DLGAP2: variants seen among roughly 807,000 people sequenced by gnomAD.
DLGAP2 encodes the protein disks large-associated protein 2.
Under a neutral mutation model 100.3 loss-of-function variants are expected in DLGAP2, and 26 were observed. That is an observed-to-expected ratio of 0.26 (90% CI 0.19 to 0.36). The LOEUF (loss-of-function observed/expected upper bound fraction) is 0.36. Ranked by LOEUF, DLGAP2 falls within the 10% of genes least tolerant of loss-of-function variation. The probability of loss-of-function intolerance (pLI) is 1.00; values close to 1 mark genes in which losing one functional copy is unlikely to be tolerated. For missense variants in DLGAP2, 1,858 were observed against 1,453.2 expected, an observed-to-expected ratio of 1.28 and a Z score of -4.53; for synonymous variants, 886 against 630.1, an observed-to-expected ratio of 1.41 and a Z score of -6.08.
chr8:1,443,159 A>G (rs1273837952), intron 3 of DLGAP2, among the ~76,000 whole-genome samples: 1 of 152,260 alleles, frequency 6.6e-6, no homozygotes, highest in East Asian at 1.9e-4. Context: ...TAATCATTAC[A>G]GAAAAACTTA....
chr8:1,690,825 C>G (rs908815141), intron 12 of DLGAP2, among the ~76,000 whole-genome samples: 1 of 151,728 alleles, frequency 6.6e-6, no homozygotes, highest in Non-Finnish European at 1.5e-5. Flanking sequence ...TCATAGCACA[C>G]TCAGAAATGT....
At chr8:837,664 A>ATG (rs34602128) in intron 1 of DLGAP2, among the ~76,000 whole-genome samples, 28,778 of 145,874 alleles carry the variant, frequency 0.2, 3,348 homozygotes, top group Admixed American at 0.37. Flanking sequence ...GTTTGTGTGT[A>ATG]TGTGTGTGTG....
At chr8:1,092,368 G>C (rs1489167741) in intron 2 of DLGAP2, among the ~76,000 whole-genome samples, 1 of 152,222 alleles carries the variant, frequency 6.6e-6, no homozygotes, top group South Asian at 2.1e-4. Flanking sequence ...GGTCCGCCTG[G>C]CACCTTGAGG....
intron 1 of DLGAP2, among the ~76,000 whole-genome samples, chr8:903,769 A>T (rs1394763758): frequency 1.3e-5 from 2 of 152,126 alleles, no homozygotes; most frequent in Non-Finnish European, 2.9e-5. Flanking sequence ...TCCAGACATG[A>T]CCTTATTTGG....
chr8:1,245,436 A>G (rs1247637514), intron 2 of DLGAP2, among the ~76,000 whole-genome samples: 1 of 152,246 alleles, frequency 6.6e-6, no homozygotes, highest in African/African-American at 2.4e-5. Flanking sequence ...GCACCGATGC[A>G]TGCTGTGACA....
At chr8:1,163,919 G>C (rs569584481) in intron 2 of DLGAP2, among the ~76,000 whole-genome samples, 9 of 152,358 alleles carry the variant, frequency 5.9e-5, no homozygotes, top group Admixed American at 1.3e-4. Context: ...GGCGTCCGCG[G>C]GCCCTGGCTT....
intron 3 of DLGAP2, among the ~76,000 whole-genome samples, chr8:1,489,513 C>T (rs1393192160): frequency 6.6e-6 from 1 of 152,114 alleles, no homozygotes; most frequent in African/African-American, 2.4e-5. Context: ...CCATCTCATT[C>T]CAAAAAGGAA....
intron 2 of DLGAP2, among the ~76,000 whole-genome samples, chr8:1,053,699 T>C (rs1188849866): frequency 6.6e-6 from 1 of 152,154 alleles, no homozygotes; most frequent in East Asian, 1.9e-4. Context: ...GCCTGACATA[T>C]TGGGTGCTAG....
chr8:1,376,846 C>T (rs1430611834), intron 3 of DLGAP2, among the ~76,000 whole-genome samples: 1 of 152,158 alleles, frequency 6.6e-6, no homozygotes, highest in Admixed American at 6.5e-5. Flanking sequence ...GCGTATTTGG[C>T]CGTGAAAGCG....
chr8:1,021,146 C>G (rs1284435913), intron 2 of DLGAP2, among the ~76,000 whole-genome samples: 3 of 152,104 alleles, frequency 2.0e-5, no homozygotes, highest in Non-Finnish European at 2.9e-5. Flanking sequence ...TGAGTATATT[C>G]TTGGGAGTAA....
At chr8:1,012,909 C>T (rs759162644) in intron 2 of DLGAP2, among the ~76,000 whole-genome samples, 9 of 152,078 alleles carry the variant, frequency 5.9e-5, no homozygotes, top group Non-Finnish European at 1.0e-4. Context: ...GTGTGCCTGG[C>T]GATTGCATCT....
At position 1,100,799 on chromosome 8, in the gene DLGAP2, G is replaced by A. The variant is rs184082642; in HGVS notation, c.74-158052G>A. On this transcript the variant is annotated intron_variant, in intron 2 of 14. Coordinates refer to ENST00000637795, the MANE Select transcript of DLGAP2 (RefSeq NM_001346810.2). The stretch of plus-strand genomic sequence containing the variant: ...AGGAGGGGCTGCTGAGAAACCGTGT[G>A]TTCTGTAGAAATAGACTAACCTTGA... Among the ~76,000 whole-genome samples the A allele has an allele frequency of 4.6e-5, 7 of 152,296 alleles. No homozygotes were observed. In the East Asian group the frequency reaches 9.6e-4, roughly 21 times the overall value.
At chr8:1,471,699 C>T (rs1283121297) in intron 3 of DLGAP2, among the ~76,000 whole-genome samples, 3 of 150,434 alleles carry the variant, frequency 2.0e-5, no homozygotes, top group African/African-American at 7.4e-5. Flanking sequence ...TCTTCAAGAC[C>T]AAGAAGGGTT....
At chr8:1,265,338 A>G (rs562489438) in intron 3 of DLGAP2, among the ~76,000 whole-genome samples, 2 of 152,234 alleles carry the variant, frequency 1.3e-5, no homozygotes, top group Non-Finnish European at 2.9e-5. Flanking sequence ...ATATATTATT[A>G]TAAAGTAGAT....
intron 1 of DLGAP2, among the ~76,000 whole-genome samples, chr8:905,436 GA>G (rs1412648451): frequency 6.6e-6 from 1 of 152,248 alleles, no homozygotes; most frequent in East Asian, 1.9e-4. Flanking sequence ...CTGAACTGGT[GA>G]CTCTCAAGCG....
chr8:1,117,417 G>C (rs577055189), intron 2 of DLGAP2, among the ~76,000 whole-genome samples: 2 of 152,332 alleles, frequency 1.3e-5, no homozygotes, highest in South Asian at 4.1e-4. Context: ...GGTTATGGGT[G>C]ATCAAGTGTC....
chr8:1,430,868 A>C (rs1396461966), intron 3 of DLGAP2, among the ~76,000 whole-genome samples: 1 of 152,198 alleles, frequency 6.6e-6, no homozygotes, highest in Non-Finnish European at 1.5e-5. Flanking sequence ...CTTTGATATC[A>C]GGCATTGGCA....
intron 4 of DLGAP2, among the ~76,000 whole-genome samples, chr8:1,505,987 T>C (rs1333137226): frequency 4.6e-5 from 7 of 152,242 alleles, no homozygotes; most frequent in African/African-American, 1.7e-4. Flanking sequence ...ACATATTATA[T>C]ATGCAGCACA....
intron 2 of DLGAP2, among the ~76,000 whole-genome samples, chr8:937,688 G>A (rs546336057): frequency 4.1e-4 from 63 of 152,326 alleles, no homozygotes; most frequent in African/African-American, 1.3e-3. Flanking sequence ...TGGGTGCCAG[G>A]TGGAGCTTGG....
Sources: allele counts gnomAD v4.1 joint callset (sites outside exome capture counted in the v4.1 genomes callset), GRCh38; gene constraint gnomAD v4.1.1; transcripts MANE v1.5; gene names NCBI Gene and HGNC (gene_info 2026-07-23, HGNC 2026-07-21).